Variants in GRM1 observed in about 807,000 individuals in gnomAD.
The protein encoded by GRM1 is metabotropic glutamate receptor 1.
Under a neutral mutation model 90.9 loss-of-function variants are expected in GRM1, and 33 were observed. That is an observed-to-expected ratio of 0.36 (90% CI 0.28 to 0.49). The LOEUF is 0.49. Among genes scored for constraint, GRM1 ranks in the 20% least tolerant of loss-of-function variants. The pLI is 0.99. For missense variants in GRM1, 1,190 were observed against 1,534.3 expected, an observed-to-expected ratio of 0.78 and a Z score of 3.75; for synonymous variants, 700 against 613.2, an observed-to-expected ratio of 1.14 and a Z score of -2.09.
At chr6:146,250,016 C>G (rs532877623) in intron 2 of GRM1, among the ~76,000 whole-genome samples, 1 of 152,312 alleles carries the variant, frequency 6.6e-6, no homozygotes, top group East Asian at 1.9e-4. Context: ...CCTGTGCCAC[C>G]TTTGTTTTGG....
intron 3 of GRM1, among the ~76,000 whole-genome samples, chr6:146,309,392 C>G (rs1016301576): frequency 5.3e-5 from 8 of 150,060 alleles, no homozygotes; most frequent in Admixed American, 2.7e-4. Flanking sequence ...GAGCGAGACT[C>G]TGTCTCAAAA....
chr6:146,234,219 C>A (rs1279540557), intron 2 of GRM1, among the ~76,000 whole-genome samples: 1 of 151,742 alleles, frequency 6.6e-6, no homozygotes, highest in African/African-American at 2.4e-5. Context: ...TAACCTGTTT[C>A]TTTCATACTT....
chr6:146,078,755 A>G (rs1438909308), intron 1 of GRM1, among the ~76,000 whole-genome samples: 1 of 152,212 alleles, frequency 6.6e-6, no homozygotes, highest in Non-Finnish European at 1.5e-5. Flanking sequence ...CCAATCATGT[A>G]GTTTGTTCTT....
At chr6:146,388,434 C>T (rs1245893474) in intron 6 of GRM1, among the ~76,000 whole-genome samples, 1 of 151,834 alleles carries the variant, frequency 6.6e-6, no homozygotes, top group Non-Finnish European at 1.5e-5. Context: ...GCAGTTTATT[C>T]AGAGTACATA....
intron 1 of GRM1, among the ~76,000 whole-genome samples, chr6:146,121,257 T>C (rs1453500644): frequency 6.6e-6 from 1 of 152,198 alleles, no homozygotes; most frequent in Admixed American, 6.5e-5. Flanking sequence ...GATGGTAGTT[T>C]GTATTTCTGG....
intron 5 of GRM1, among the ~76,000 whole-genome samples, chr6:146,383,205 C>A (rs1455695138): frequency 6.6e-6 from 1 of 152,192 alleles, no homozygotes; most frequent in Non-Finnish European, 1.5e-5. Flanking sequence ...AAGCTAATAA[C>A]TTATTCATTA....
At chr6:146,184,558 T>C (rs943627550) in intron 2 of GRM1, among the ~76,000 whole-genome samples, 4 of 152,170 alleles carry the variant, frequency 2.6e-5, no homozygotes, top group African/African-American at 9.7e-5. Flanking sequence ...CGGCATGAAT[T>C]CAGTACCATT....
At chr6:146,337,600 T>C (rs1311962577) in intron 3 of GRM1, among the ~76,000 whole-genome samples, 1 of 152,178 alleles carries the variant, frequency 6.6e-6, no homozygotes, top group African/African-American at 2.4e-5. Flanking sequence ...GTCTGTGTGC[T>C]GTGGCAGAAA....
intron 6 of GRM1, among the ~76,000 whole-genome samples, chr6:146,390,732 A>AC (rs1284602944): frequency 6.6e-6 from 1 of 152,054 alleles, no homozygotes; most frequent in Admixed American, 6.6e-5. Flanking sequence ...TGTGCCAGGT[A>AC]CTTTTTAAAA....
intron 2 of GRM1, among the ~76,000 whole-genome samples, chr6:146,236,940 G>T (rs1780669719): frequency 6.6e-6 from 1 of 152,038 alleles, no homozygotes. Flanking sequence ...AAGTGTTTTT[G>T]GTTCCCAAGG....
Position 146,386,764 on chromosome 6 carries a change from C to T in GRM1, c.1603-126C>T, listed in dbSNP as rs569009113. 2.4e-5 allele frequency: 17 copies of T among 712,918 alleles called. 1 individual carries two copies. The highest frequency in any genetic ancestry group is 1.6e-4 in the South Asian group (10 of 62,082). 44.2% of individuals were successfully genotyped at this position (712,918 alleles called of 1,614,324 possible). On this transcript the variant is annotated intron_variant, in intron 5 of 7. Transcript: ENST00000282753. ...AATTCACATTCTTAAGATTCCTCAG[C>T]ATATAAGATTATTTTCATAGTTAGT... is the stretch of plus-strand genomic sequence containing the variant.
At position 146,404,063 on chromosome 6, in the gene GRM1, T is replaced by C. The variant is rs187318510; in HGVS notation, c.2660+4364T>C. ...GAAAGAACTCATTTACTATTCTGGCTCACAAACAGGATAATCTTGTCATTT... is the reference window on the plus strand; with the variant it reads ...GAAAGAACTCATTTACTATTCTGGCCCACAAACAGGATAATCTTGTCATTT... On this transcript the variant is annotated intron_variant, in intron 7 of 7. Coordinates refer to ENST00000282753, the MANE Select transcript of GRM1 (RefSeq NM_001278064.2). Among the ~76,000 whole-genome samples, 1,157 of 152,240 alleles carry C rather than the reference T, an allele frequency of 7.6e-3. 15 individuals carry two copies. The highest frequency in any genetic ancestry group is 0.031 in the Middle Eastern group (9 of 294).
chr6:146,357,078 A>G (rs1195786801), intron 4 of GRM1, among the ~76,000 whole-genome samples: 1 of 152,198 alleles, frequency 6.6e-6, no homozygotes, highest in Non-Finnish European at 1.5e-5. Context: ...TTAGCACCTT[A>G]AAAACGTTCC....
intron 6 of GRM1, among the ~76,000 whole-genome samples, chr6:146,397,484 GAAA>G (rs577471775): frequency 7.8e-4 from 35 of 45,044 alleles, no homozygotes; most frequent in Admixed American, 6.4e-3. Flanking sequence ...AAAAAAAAAA[GAAA>G]AAAAAAAAAA....
intron 2 of GRM1, among the ~76,000 whole-genome samples, chr6:146,185,518 G>A (rs185482968): frequency 6.6e-6 from 1 of 152,134 alleles, no homozygotes; most frequent in Non-Finnish European, 1.5e-5. Flanking sequence ...TGAAAAACTG[G>A]TATTGGAAAA....
intron 2 of GRM1, among the ~76,000 whole-genome samples, chr6:146,247,909 G>A (rs570524008): frequency 2.0e-5 from 3 of 147,482 alleles, no homozygotes; most frequent in African/African-American, 7.5e-5. Flanking sequence ...CACTAATATA[G>A]TATATATAAT....
intron 3 of GRM1, among the ~76,000 whole-genome samples, chr6:146,324,320 T>C (rs1040661651): frequency 6.6e-6 from 1 of 152,150 alleles, no homozygotes; most frequent in African/African-American, 2.4e-5. Context: ...GGATCTTAGC[T>C]TGCTGAGCTC....
chr6:146,142,691 C>A (rs546141724), intron 1 of GRM1, among the ~76,000 whole-genome samples: 36 of 149,886 alleles, frequency 2.4e-4, no homozygotes, highest in African/African-American at 8.3e-4. Context: ...GGCCTGCAGA[C>A]AGTACTGCGA....
At chr6:146,117,719 C>T (rs1775808127) in intron 1 of GRM1, among the ~76,000 whole-genome samples, 2 of 152,030 alleles carry the variant, frequency 1.3e-5, no homozygotes. Context: ...GTTTTCCTAT[C>T]AGTTTCAAAG....
Sources: allele counts gnomAD v4.1 joint callset (sites outside exome capture counted in the v4.1 genomes callset), GRCh38; gene constraint gnomAD v4.1.1; transcripts MANE v1.5; gene names NCBI Gene and HGNC (gene_info 2026-07-23, HGNC 2026-07-21).